The following CDKL2 variants were observed in gnomAD, a reference collection of about 807,000 sequenced individuals.
CDKL2 encodes the protein cyclin dependent kinase like 2.
Under a neutral mutation model 63.9 loss-of-function variants are expected in CDKL2, and 64 were observed. The observed-to-expected ratio is 1.00, with a 90% confidence interval of 0.82 to 1.23. CDKL2 has a LOEUF of 1.23. Ranked by LOEUF, CDKL2 falls within the 50% of genes most tolerant of loss-of-function variation. The pLI is 0.00. For synonymous variants in CDKL2, 211 were observed against 229.2 expected (o/e 0.92, Z 0.72); for missense variants, 656 against 668.0 (o/e 0.98, Z 0.20).
At chr4:75,607,809 G>A (rs776127332) in intron 3 of CDKL2, among the ~76,000 whole-genome samples, 3 of 151,924 alleles carry the variant, frequency 2.0e-5, no homozygotes, top group Non-Finnish European at 2.9e-5. Flanking sequence ...AAGAGATTGT[G>A]GGGAAAAAAA....
chr4:75,581,144 A>T (rs975288688), intron 13 of CDKL2, among the ~76,000 whole-genome samples: 8 of 152,250 alleles, frequency 5.3e-5, no homozygotes, highest in Non-Finnish European at 8.8e-5. Flanking sequence ...AGCTGCATAT[A>T]CAATGGTAGT....
chr4:75,614,167 T>G, intron 3 of CDKL2, 88 bp downstream of exon 3: 1 of 832,852 alleles, frequency 1.2e-6, no homozygotes, highest in South Asian at 1.8e-5. Flanking sequence ...GTCTGCAACT[T>G]ATTTTCAAAT....
intron 10 of CDKL2, 32 bp from the exon 11 acceptor site, chr4:75,592,301 AT>A (rs1341299944): frequency 6.7e-6 from 10 of 1,495,878 alleles, no homozygotes; most frequent in African/African-American, 1.4e-5. Context: ...ACAAAAAAGA[AT>A]TAGTTTCAAG....
rs1384737534 is a variant in CDKL2 at position 75,592,188 on chromosome 4, T to G, written c.1498A>C (p.Asn500His). The change falls in exon 11 of 14, where the codon AAC (asparagine) becomes CAC (histidine). Residue 500 changes from asparagine (N) to histidine (H), a missense_variant. Physicochemically the swap from Asn to His is moderately conservative, Grantham distance 68. Coordinates refer to ENST00000307465, the MANE Select transcript of CDKL2 (RefSeq NM_001330724.2). ...SRTDVRLPEL[N>H]YNHLPELRAL... Reference sequence around the variant, plus strand: ...CTTAGTTCAGGGAGATGATTATAGTTTAGTTCAGGCAAACGGACATCTGTC... The same window carrying G: ...CTTAGTTCAGGGAGATGATTATAGTGTAGTTCAGGCAAACGGACATCTGTC... The G allele has an allele frequency of 6.5e-7, 1 of 1,535,294 alleles. No homozygotes were observed. Among genetic ancestry groups the G allele is most frequent in the African/African-American group, 1.4e-5 (1 of 73,012 alleles).
intron 12 of CDKL2, 147 bp from the exon 13 acceptor site, chr4:75,582,045 A>G (rs1728286598): frequency 3.2e-6 from 2 of 617,534 alleles, no homozygotes; most frequent in Non-Finnish European, 5.9e-6. Flanking sequence ...GAATGAAGTA[A>G]GGGGACATTG....
At chr4:75,623,311 T>C (rs1043789142) in intron 2 of CDKL2, among the ~76,000 whole-genome samples, 3 of 151,960 alleles carry the variant, frequency 2.0e-5, no homozygotes, top group Non-Finnish European at 4.4e-5. Flanking sequence ...ATAAACATGA[T>C]TGTGGGCTAC....
intron 2 of CDKL2, among the ~76,000 whole-genome samples, chr4:75,623,713 A>G (rs1730271833): frequency 6.6e-6 from 1 of 152,250 alleles, no homozygotes; most frequent in Non-Finnish European, 1.5e-5. Flanking sequence ...TATTCAAAAT[A>G]CATCAGATAT....
chr4:75,589,849 G>T (rs758252551), intron 12 of CDKL2, among the ~76,000 whole-genome samples: 5 of 152,070 alleles, frequency 3.3e-5, no homozygotes, highest in South Asian at 2.1e-4. Context: ...GGGCATGGTA[G>T]CCTGCACCTG....
intron 12 of CDKL2, among the ~76,000 whole-genome samples, chr4:75,586,647 T>C (rs1728495272): frequency 6.6e-6 from 1 of 152,132 alleles, no homozygotes; most frequent in South Asian, 2.1e-4. Flanking sequence ...AGTAAATATA[T>C]TAAATTATAC....
At chr4:75,588,654 G>A (rs1728578872) in intron 12 of CDKL2, among the ~76,000 whole-genome samples, 1 of 152,146 alleles carries the variant, frequency 6.6e-6, no homozygotes, top group Non-Finnish European at 1.5e-5. Flanking sequence ...CAGTAAATGT[G>A]TATGTATATA....
At chr4:75,591,673 A>T in intron 12 of CDKL2, 146 bp downstream of exon 12, 1 of 569,462 alleles carries the variant, frequency 1.8e-6, no homozygotes, top group Non-Finnish European at 3.1e-6. Flanking sequence ...AAGTGCAATG[A>T]ATCAAACAAC....
At chr4:75,600,609 ACCACCACAC>A (rs1436457508) in intron 6 of CDKL2, among the ~76,000 whole-genome samples, 2 of 151,974 alleles carry the variant, frequency 1.3e-5, no homozygotes, top group Non-Finnish European at 1.5e-5. Flanking sequence ...ACAGGTGCAC[ACCACCACAC>A]CCAGCTAATT....
At chr4:75,609,443 C>A (rs1304359576) in intron 3 of CDKL2, among the ~76,000 whole-genome samples, 1 of 151,138 alleles carries the variant, frequency 6.6e-6, no homozygotes, top group Non-Finnish European at 1.5e-5. Flanking sequence ...CGTCCCTAGT[C>A]AAAATACAAA....
At chr4:75,614,138 A>G (rs1348880141) in intron 3 of CDKL2, 117 bp downstream of exon 3, 1 of 600,232 alleles carries the variant, frequency 1.7e-6, no homozygotes, top group East Asian at 3.0e-5. Context: ...TGAAGTATTT[A>G]GTGTTAAAGT....
chr4:75,603,889 A>G lies in CDKL2; in HGVS notation c.723T>C (p.Pro241=). The G allele has an allele frequency of 1.2e-6, 2 of 1,613,678 alleles. No individual in the cohort carries two copies. The highest frequency in any genetic ancestry group is 1.7e-6 in the Non-Finnish European group (2 of 1,179,810). Residue 241 remains proline (P), a synonymous_variant, in exon 6 of 14, where the codon CCT becomes CCC. Transcript: ENST00000307465. ...KNPVFAGVRL[P]EIKEREPLER... Reference sequence around the variant, plus strand: ...CAAGAGGTTCTCTTTCCTTGATTTCAGGCAACCTTACTCCAGCAAACACAG... The same window carrying G: ...CAAGAGGTTCTCTTTCCTTGATTTCGGGCAACCTTACTCCAGCAAACACAG...
intron 1 of CDKL2, among the ~76,000 whole-genome samples, chr4:75,629,073 CTGTT>C (rs1730561778): frequency 7.4e-6 from 1 of 135,162 alleles, no homozygotes; most frequent in Admixed American, 7.1e-5. Flanking sequence ...TTTTAATAAA[CTGTT>C]TGTATTTGAA....
In CDKL2 at chr4:75,598,091, T is replaced by C. The variant is rs1729019480; in HGVS notation, c.1006A>G (p.Thr336Ala). The change falls in exon 8 of 14, where the codon ACA (threonine) becomes GCA (alanine). Residue 336 changes from threonine (T) to alanine (A), a missense_variant. Physicochemically the swap from Thr to Ala is moderately conservative, Grantham distance 58. Coordinates refer to ENST00000307465, the MANE Select transcript of CDKL2 (RefSeq NM_001330724.2). ...KDDSLVEERK[T>A]LVVQDTNADP... ...TGAACATTTACCTGTACCACAAGTG[T>C]TTTTCTTTCTTCAACTAAGGAATCA... 6.5e-7 allele frequency: 1 copy of C among 1,527,674 alleles called. No homozygotes were observed. The highest frequency in any genetic ancestry group is 8.9e-7 in the Non-Finnish European group (1 of 1,127,380). 94.6% of individuals were successfully genotyped at this position (1,527,674 alleles called of 1,614,324 possible).
Position 75,607,310 on chromosome 4 carries a change from C to G in CDKL2, c.415G>C (p.Val139Leu). 6.2e-7 allele frequency: 1 copy of G among 1,614,034 alleles called. No homozygotes were observed. The highest frequency in any genetic ancestry group is 8.5e-7 in the Non-Finnish European group (1 of 1,179,922). ...PENILVSQSG[V>L]VKLCDFGFAR... ...AATCCAAAATCGCATAGCTTGACAA[C>G]GCCAGACTGGGAGACTAATATATTC... The change falls in exon 4 of 14, where the codon GTT becomes CTT. Residue 139 changes from valine (V) to leucine (L), a missense_variant. By Grantham distance (32) the Val-to-Leu change is conservative. Coordinates refer to ENST00000307465, the MANE Select transcript of CDKL2 (RefSeq NM_001330724.2).
At position 75,614,393 on chromosome 4, in the gene CDKL2, T is replaced by C; in HGVS notation, c.225A>G (p.Arg75=). Residue 75 remains arginine, a synonymous_variant, in exon 3 of 14, where the codon CGA becomes CGG. Coordinates refer to ENST00000307465, the MANE Select transcript of CDKL2 (RefSeq NM_001330724.2). ...NLLEVCKKKK[R]WYLVFEFVDH... Reference sequence around the variant, plus strand: ...CAACAAATTCAAAGACTAGGTACCATCGTTTTTTTTTCTTACACACTTCCA... The same window carrying C: ...CAACAAATTCAAAGACTAGGTACCACCGTTTTTTTTTCTTACACACTTCCA... 1.2e-6 allele frequency: 2 copies of C among 1,600,834 alleles called. No homozygotes were observed. The highest frequency in any genetic ancestry group is 2.2e-5 in the East Asian group (1 of 44,590).
Sources: gnomAD v4.1 joint callset for allele counts (sites outside exome capture counted in the v4.1 genomes callset) on GRCh38, gnomAD v4.1.1 for gene constraint, MANE v1.5 for transcripts, NCBI Gene and HGNC (gene_info 2026-07-23, HGNC 2026-07-21) for gene names.